The following RIMS1 variants were observed in gnomAD, a reference collection of about 807,000 sequenced individuals.
RIMS1 encodes regulating synaptic membrane exocytosis 1.
RIMS1 carries 83 observed loss-of-function variants against 214.1 expected under a neutral mutation model. The observed-to-expected ratio is 0.39, with a 90% CI of 0.32 to 0.47. The LOEUF (loss-of-function observed/expected upper bound fraction) is 0.47. Among genes scored for constraint, RIMS1 ranks in the 20% least tolerant of loss-of-function variants. The probability of loss-of-function intolerance (pLI) is 0.99; values close to 1 mark genes in which losing one functional copy is unlikely to be tolerated. For synonymous variants in RIMS1, 793 were observed against 786.8 expected, an observed-to-expected ratio of 1.01 and a Z score of -0.13; for missense variants, 2,050 against 2,161.8, an observed-to-expected ratio of 0.95 and a Z score of 1.03.
At chr6:72,083,034 T>G (rs1833798317) in intron 2 of RIMS1, among the ~76,000 whole-genome samples, 1 of 152,110 alleles carries the variant, frequency 6.6e-6, no homozygotes, top group Non-Finnish European at 1.5e-5. Context: ...AAAGCTCCCC[T>G]CCCTTAGGTA....
Position 72,060,619 on chromosome 6 carries a change from A to G in RIMS1, c.246-36330A>G, listed in dbSNP as rs1001175684. On this transcript the variant is annotated intron_variant, in intron 2 of 33. Transcript: ENST00000521978. ...TTTCTTATGCATTTTCTTCTCCCTCAAATTCCTTCCCATCTGTAGTTGGGT... is the reference window on the plus strand; with the variant it reads ...TTTCTTATGCATTTTCTTCTCCCTCGAATTCCTTCCCATCTGTAGTTGGGT... Among the ~76,000 whole-genome samples the G allele has an allele frequency of 3.3e-5, 5 of 152,126 alleles. No individual in the cohort carries two copies. The East Asian group carries it at 5.8e-4, about 18-fold the overall frequency.
At chr6:72,191,980 A>C (rs1189602250) in intron 6 of RIMS1, among the ~76,000 whole-genome samples, 2 of 152,228 alleles carry the variant, frequency 1.3e-5, no homozygotes, top group African/African-American at 2.4e-5. Flanking sequence ...TTCTAGGTAG[A>C]GGCAGCTCTA....
intron 4 of RIMS1, among the ~76,000 whole-genome samples, chr6:72,142,137 T>C (rs1053148257): frequency 2.0e-5 from 3 of 151,982 alleles, no homozygotes; most frequent in African/African-American, 7.2e-5. Flanking sequence ...ATTAATTTAA[T>C]CTGGCCCCTC....
intron 2 of RIMS1, among the ~76,000 whole-genome samples, chr6:72,090,923 A>T (rs1836054119): frequency 6.6e-6 from 1 of 152,152 alleles, no homozygotes; most frequent in Admixed American, 6.5e-5. Flanking sequence ...TCGTTCTCAG[A>T]ACAACTCTCC....
At chr6:72,072,341 C>T (rs1830757831) in intron 2 of RIMS1, among the ~76,000 whole-genome samples, 1 of 152,052 alleles carries the variant, frequency 6.6e-6, no homozygotes, top group African/African-American at 2.4e-5. Flanking sequence ...AGGAATTTTG[C>T]AAACAAGACA....
intron 1 of RIMS1, among the ~76,000 whole-genome samples, chr6:71,948,724 T>G (rs1024790704): frequency 2.0e-5 from 3 of 152,122 alleles, no homozygotes; most frequent in African/African-American, 4.8e-5. Flanking sequence ...ATGGAGAGGA[T>G]AATAGGTTGG....
intron 2 of RIMS1, among the ~76,000 whole-genome samples, chr6:71,975,251 C>A (rs529659284): frequency 2.6e-5 from 4 of 152,256 alleles, no homozygotes; most frequent in East Asian, 3.9e-4. Flanking sequence ...GAAAATTATG[C>A]AATGTCATGC....
At chr6:72,125,089 G>A (rs541394074) in intron 4 of RIMS1, among the ~76,000 whole-genome samples, 2 of 152,270 alleles carry the variant, frequency 1.3e-5, no homozygotes, top group Admixed American at 1.3e-4. Context: ...TAGCTTTTCT[G>A]CTCTGGTTTC....
At chr6:72,357,326 C>G (rs570780260) in intron 29 of RIMS1, among the ~76,000 whole-genome samples, 15 of 152,290 alleles carry the variant, frequency 9.8e-5, no homozygotes, top group Non-Finnish European at 2.2e-4. Flanking sequence ...TCCACCATCT[C>G]TTTACTCAGA....
chr6:72,240,893 G>A (rs188003282), intron 9 of RIMS1, among the ~76,000 whole-genome samples: 59 of 152,118 alleles, frequency 3.9e-4, no homozygotes, highest in South Asian at 2.1e-3. Context: ...GTGCATGCTT[G>A]TAATCCTAGC....
intron 6 of RIMS1, among the ~76,000 whole-genome samples, chr6:72,211,839 T>C (rs1297115180): frequency 6.7e-6 from 1 of 150,102 alleles, no homozygotes; most frequent in African/African-American, 2.5e-5. Context: ...TACCAAAGTT[T>C]AATTTGAAAA....
intron 1 of RIMS1, among the ~76,000 whole-genome samples, chr6:71,948,843 A>T (rs938559041): frequency 6.6e-6 from 1 of 152,114 alleles, no homozygotes; most frequent in Non-Finnish European, 1.5e-5. Context: ...TGCCCTGGGG[A>T]AGTGTAAAGA....
At chr6:72,097,256 C>A in intron 3 of RIMS1, 94 bp downstream of exon 3, 1 of 1,088,840 alleles carries the variant, frequency 9.2e-7, no homozygotes, top group Non-Finnish European at 1.4e-6. Flanking sequence ...AGAAAGCAGA[C>A]ATGTGCATAA....
At chr6:72,389,834 G>A (rs1432267017) in intron 29 of RIMS1, among the ~76,000 whole-genome samples, 3 of 152,142 alleles carry the variant, frequency 2.0e-5, no homozygotes, top group Admixed American at 2.0e-4. Context: ...GCTGGTTAGT[G>A]CATTTCAAAG....
At chr6:72,321,606 C>T (rs1327997980) in intron 28 of RIMS1, among the ~76,000 whole-genome samples, 5 of 152,102 alleles carry the variant, frequency 3.3e-5, no homozygotes, top group Non-Finnish European at 7.4e-5. Flanking sequence ...TACCTCTCCC[C>T]AGTCCTCTTC....
intron 6 of RIMS1, among the ~76,000 whole-genome samples, chr6:72,198,350 TC>T (rs1680232809): frequency 1.4e-5 from 2 of 142,778 alleles, no homozygotes; most frequent in Non-Finnish European, 3.1e-5. Flanking sequence ...ATCATCATCA[TC>T]TGCAGTAACA....
intron 2 of RIMS1, among the ~76,000 whole-genome samples, chr6:71,998,249 C>A (rs1435753315): frequency 6.6e-6 from 1 of 151,996 alleles, no homozygotes; most frequent in African/African-American, 2.4e-5. Context: ...CCTCAGTGGT[C>A]GACTCACTTA....
chr6:72,307,615 C>T (rs1441051784), intron 27 of RIMS1, among the ~76,000 whole-genome samples: 3 of 151,942 alleles, frequency 2.0e-5, no homozygotes, highest in East Asian at 3.9e-4. Flanking sequence ...ATTAGCCGGG[C>T]GTGCGCCTGT....
chr6:72,293,891 T>C (rs564833690), intron 26 of RIMS1, among the ~76,000 whole-genome samples: 309 of 151,868 alleles, frequency 2.0e-3, no homozygotes, highest in Non-Finnish European at 3.5e-3. Flanking sequence ...AATGACTACA[T>C]TGGTGGAGTT....
Sources: allele counts gnomAD v4.1 joint callset (sites outside exome capture counted in the v4.1 genomes callset), GRCh38; gene constraint gnomAD v4.1.1; transcripts MANE v1.5; gene names NCBI Gene and HGNC (gene_info 2026-07-23, HGNC 2026-07-21).